The following MTUS2 variants were observed in gnomAD, a reference collection of about 807,000 sequenced individuals.
MTUS2 encodes the protein microtubule associated scaffold protein 2, also known as microtubule-associated tumor suppressor candidate 2.
MTUS2 carries 40 observed loss-of-function variants against 114.1 expected under a neutral mutation model. The ratio of observed to expected loss-of-function variants is 0.35; its 90% CI spans 0.27 to 0.46. MTUS2 has a LOEUF of 0.46. Among genes scored for constraint, MTUS2 ranks in the 20% least tolerant of loss-of-function variants. The pLI, the probability that MTUS2 is intolerant of heterozygous loss-of-function variation, is 1.00. For synonymous variants in MTUS2, 688 were observed against 672.0 expected (o/e 1.02, Z -0.37); for missense variants, 1,679 against 1,705.4 (o/e 0.98, Z 0.27).
At chr13:29,213,202 A>G (rs1177093377) in intron 5 of MTUS2, among the ~76,000 whole-genome samples, 3 of 152,214 alleles carry the variant, frequency 2.0e-5, no homozygotes, top group Non-Finnish European at 4.4e-5. Context: ...TATGTTTCTT[A>G]TTATGTCACA....
At chr13:29,314,903 G>A (rs181924801) in intron 6 of MTUS2, among the ~76,000 whole-genome samples, 1 of 152,290 alleles carries the variant, frequency 6.6e-6, no homozygotes, top group Admixed American at 6.5e-5. Flanking sequence ...ATTCACAATA[G>A]CCAAGATGTT....
intron 5 of MTUS2, among the ~76,000 whole-genome samples, chr13:29,181,340 A>T (rs149256858): frequency 1.3e-5 from 2 of 152,266 alleles, no homozygotes; most frequent in East Asian, 3.9e-4. Context: ...CCACAGTGAC[A>T]TGAGGGCTGA....
At chr13:29,394,798 C>T (rs766761042) in intron 8 of MTUS2, among the ~76,000 whole-genome samples, 3 of 152,146 alleles carry the variant, frequency 2.0e-5, no homozygotes, top group Non-Finnish European at 2.9e-5. Flanking sequence ...CAGCAGCATT[C>T]GATTCTCATA....
chr13:29,435,775 G>GAAA, intron 8 of MTUS2, among the ~76,000 whole-genome samples: 2 of 152,350 alleles, frequency 1.3e-5, no homozygotes, highest in African/African-American at 4.8e-5. Flanking sequence ...AATTAGAAGA[G>GAAA]TTGATATCAT....
At chr13:29,428,509 C>T (rs1304749279) in intron 8 of MTUS2, 2 of 382,234 alleles carry the variant, frequency 5.2e-6, no homozygotes, top group African/African-American at 4.1e-5. Context: ...GGTAAATGCT[C>T]TGTGGTTATG....
At chr13:29,298,526 C>G (rs1476488612) in intron 6 of MTUS2, among the ~76,000 whole-genome samples, 1 of 152,176 alleles carries the variant, frequency 6.6e-6, no homozygotes, top group East Asian at 1.9e-4. Flanking sequence ...ATGTGCCAGA[C>G]AGAGCTGTTC....
chr13:29,483,400 C>T (rs1251929190), intron 10 of MTUS2, among the ~76,000 whole-genome samples: 1 of 152,256 alleles, frequency 6.6e-6, no homozygotes, highest in Non-Finnish European at 1.5e-5. Context: ...CGCCATCTCA[C>T]AGGGCATGGG....
In MTUS2 at chr13:29,024,820, T is replaced by A; in HGVS notation, c.122T>A (p.Met41Lys). The change falls in exon 3 of 16, where the codon ATG becomes AAG. Residue 41 changes from methionine to lysine, a missense_variant. Met to Lys is a moderately conservative substitution (Grantham distance 95). This residue lies in a region of MTUS2 where 843 missense variants were observed against 770.8 expected (regional missense o/e 1.09). Transcript: ENST00000612955. ...GGAGATACGAATGCCAATCAAATCATGTTGGAGGTCAGCTCCTCTCATGAC... is the reference window on the plus strand; with the variant it reads ...GGAGATACGAATGCCAATCAAATCAAGTTGGAGGTCAGCTCCTCTCATGAC... ...SLGDTNANQI[M>K]LEVSSSHDES... 1.9e-6 allele frequency: 3 copies of A among 1,613,970 alleles called. No homozygotes were observed. Among genetic ancestry groups the A allele is most frequent in the Non-Finnish European group, 2.5e-6 (3 of 1,179,874 alleles).
At chr13:29,416,138 A>G (rs1455667763) in intron 8 of MTUS2, among the ~76,000 whole-genome samples, 1 of 141,408 alleles carries the variant, frequency 7.1e-6, no homozygotes, top group African/African-American at 2.6e-5. Context: ...CATGTTGGCC[A>G]GGCTGGTCTT....
rs1299261014 is a variant in MTUS2, at chr13:29,026,156, C to A, written c.1458C>A (p.Pro486=). 1 of 1,613,940 alleles carries A rather than the reference C, an allele frequency of 6.2e-7. No homozygotes were observed. Among genetic ancestry groups the A allele is most frequent in the Admixed American group, 1.7e-5 (1 of 60,020 alleles). Residue 486 remains proline (P), a synonymous_variant, in exon 3 of 16, where the codon CCC becomes CCA. Coordinates refer to ENST00000612955, the MANE Select transcript of MTUS2 (RefSeq NM_001033602.4). ...VGENKTEVPE[P]LDPQSGRSEA... is the part of the protein sequence containing the mutation. ...AGAACAAGACGGAGGTGCCTGAGCC[C>A]CTGGACCCTCAAAGTGGCCGCTCAG...
intron 4 of MTUS2, among the ~76,000 whole-genome samples, chr13:29,099,662 T>C (rs936117155): frequency 6.6e-6 from 1 of 152,208 alleles, no homozygotes; most frequent in Non-Finnish European, 1.5e-5. Context: ...TTGACTAGCA[T>C]AAGAATGCCA....
intron 5 of MTUS2, among the ~76,000 whole-genome samples, chr13:29,137,476 G>C (rs934401267): frequency 1.3e-5 from 2 of 151,976 alleles, no homozygotes; most frequent in African/African-American, 4.8e-5. Flanking sequence ...CTACCGCAGT[G>C]TATTGCTGGT....
At position 29,497,299 on chromosome 13, in the gene MTUS2, A is replaced by T. The variant is rs371880826; in HGVS notation, c.3641A>T (p.Glu1214Val). The T allele has an allele frequency of 3.7e-6, 6 of 1,611,960 alleles. No homozygotes were observed. Among genetic ancestry groups the T allele is most frequent in the Non-Finnish European group, 5.1e-6 (6 of 1,179,942 alleles). Residue 1214 changes from glutamate (E) to valine (V), a missense_variant, in exon 13 of 16, where the codon GAA (glutamate) becomes GTA (valine). By Grantham distance (121) the Glu-to-Val change is moderately radical. This residue lies in a region of MTUS2 where 822 missense variants were observed against 899.7 expected (regional missense o/e 0.91). Transcript: ENST00000612955. ...CTGCGGGACAGAGCCCGCCGCTTCG[A>T]AGAGGCCTTGAGGAAGAACACAGAG... ...QSLRDRARRF[E>V]EALRKNTEEQ...
intron 2 of MTUS2, among the ~76,000 whole-genome samples, chr13:29,023,888 C>T (rs1886395913): frequency 6.6e-6 from 1 of 152,190 alleles, no homozygotes; most frequent in Admixed American, 6.5e-5. Context: ...AGTTTCATTA[C>T]TAGTGATGTT....
intron 6 of MTUS2, among the ~76,000 whole-genome samples, chr13:29,304,907 A>G (rs1899372744): frequency 6.6e-6 from 1 of 152,184 alleles, no homozygotes; most frequent in Non-Finnish European, 1.5e-5. Flanking sequence ...TTCTCAGCAA[A>G]TGTAAAAAAA....
At chr13:29,405,942 T>C (rs1248458117) in intron 8 of MTUS2, among the ~76,000 whole-genome samples, 3 of 152,056 alleles carry the variant, frequency 2.0e-5, no homozygotes, top group African/African-American at 4.8e-5. Context: ...GGTTTCACCA[T>C]GTTGGCCAGG....
intron 5 of MTUS2, among the ~76,000 whole-genome samples, chr13:29,102,065 C>T (rs1890441223): frequency 6.6e-6 from 1 of 152,164 alleles, no homozygotes; most frequent in Non-Finnish European, 1.5e-5. Context: ...CCTGCTTTCA[C>T]ACAGGATACA....
chr13:29,258,863 C>T (rs1356637756), intron 5 of MTUS2, among the ~76,000 whole-genome samples: 2 of 152,162 alleles, frequency 1.3e-5, no homozygotes, highest in Non-Finnish European at 2.9e-5. Flanking sequence ...GGTTATCACC[C>T]CACTGACCTA....
rs183392166 is a variant in MTUS2, at chr13:29,431,452, G to T, written c.3118-8531G>T. On this transcript the variant is annotated intron_variant, in intron 8 of 15. Transcript: ENST00000612955. ...TGGTTGTATTTCTACCTTTTCCAGA[G>T]AACTTATAAGTGGGTAGGCAACAAT... is the stretch of plus-strand genomic sequence containing the variant. Among the ~76,000 whole-genome samples the T allele has an allele frequency of 3.9e-5, 6 of 152,270 alleles. No homozygotes were observed. The East Asian group carries it at 1.2e-3, about 29-fold the overall frequency.
Sources: allele counts gnomAD v4.1 joint callset (sites outside exome capture counted in the v4.1 genomes callset), GRCh38; gene constraint gnomAD v4.1.1; regional missense constraint gnomAD v4.1.1; transcripts MANE v1.5; gene names NCBI Gene and HGNC (gene_info 2026-07-23, HGNC 2026-07-21).